The following SART3 variants were observed in gnomAD, a reference collection of about 807,000 sequenced individuals.
SART3 encodes the protein spliceosome associated factor 3, U4/U6 recycling protein, also known as HIV-1 Tat-interacting protein of 110kDa.
SART3 carries 44 observed loss-of-function variants against 122.3 expected under a neutral mutation model. The ratio of observed to expected loss-of-function variants is 0.36; its 90% CI spans 0.28 to 0.46. The LOEUF is 0.46. Among genes scored for constraint, SART3 ranks in the 20% least tolerant of loss-of-function variants. The pLI is 1.00. For synonymous variants in SART3, 442 were observed against 454.0 expected, an observed-to-expected ratio of 0.97 and a Z score of 0.34; for missense variants, 1,101 against 1,229.0, an observed-to-expected ratio of 0.90 and a Z score of 1.56.
At chr12:108,547,051 C>T (rs1265786956) in intron 3 of SART3, among the ~76,000 whole-genome samples, 1 of 152,066 alleles carries the variant, frequency 6.6e-6, no homozygotes, top group Non-Finnish European at 1.5e-5. Flanking sequence ...AACTCCCGAC[C>T]TCAAGTGATC....
intron 3 of SART3, among the ~76,000 whole-genome samples, chr12:108,547,597 T>A (rs1221721646): frequency 6.6e-6 from 1 of 152,210 alleles, no homozygotes; most frequent in Admixed American, 6.5e-5. Context: ...AAAAACCTAT[T>A]GAATGTATAA....
chr12:108,529,301 A>G (rs73402752), intron 15 of SART3, among the ~76,000 whole-genome samples: 3,777 of 152,242 alleles, frequency 0.025, 151 homozygotes, highest in African/African-American at 0.086. Context: ...GCACACGCAC[A>G]CGCACACACA....
At position 108,523,146 on chromosome 12, in the gene SART3, G is replaced by T; in HGVS notation, c.*311C>A. On this transcript the variant is annotated 3_prime_UTR_variant, in exon 19 of 19. Coordinates refer to ENST00000546815, the MANE Select transcript of SART3 (RefSeq NM_014706.4). ...GCTGGCCAGAAACATTTGGACAACT[G>T]TGTCTCAAAAACAGTGTGTTCTCGT... 2.2e-6 allele frequency: 1 copy of T among 463,198 alleles called. No individual in the cohort carries two copies. The highest frequency in any genetic ancestry group is 4.0e-6 in the Non-Finnish European group (1 of 253,150). 28.7% of individuals were successfully genotyped at this position (463,198 alleles called of 1,614,324 possible). A position where few individuals can be genotyped will look rare whatever the true frequency, so the allele number is the denominator to read the frequency against.
chr12:108,529,151 A>G (rs1872532126), intron 15 of SART3, among the ~76,000 whole-genome samples: 1 of 152,254 alleles, frequency 6.6e-6, no homozygotes, highest in Non-Finnish European at 1.5e-5. Flanking sequence ...AAATTTTAAA[A>G]AGAGAGAGAA....
intron 1 of SART3, among the ~76,000 whole-genome samples, chr12:108,559,135 A>G (rs2030361692): frequency 1.3e-5 from 2 of 152,160 alleles, no homozygotes; most frequent in South Asian, 2.1e-4. Flanking sequence ...GACAAGCTAT[A>G]CCAATGGATG....
intron 1 of SART3, among the ~76,000 whole-genome samples, chr12:108,550,194 T>A (rs1218017795): frequency 6.6e-6 from 1 of 151,882 alleles, no homozygotes; most frequent in Non-Finnish European, 1.5e-5. Context: ...ATGAAAAAAA[T>A]GTCACTAGCA....
intron 1 of SART3, among the ~76,000 whole-genome samples, chr12:108,558,787 A>C (rs905084852): frequency 3.3e-5 from 5 of 152,174 alleles, no homozygotes; most frequent in Middle Eastern, 3.2e-3. Context: ...TAATCCCAGC[A>C]CTTTGGGAGG....
intron 11 of SART3, chr12:108,535,683 C>G (rs1872873406): frequency 3.5e-6 from 2 of 578,410 alleles, no homozygotes; most frequent in Admixed American, 4.8e-5. Flanking sequence ...CCTATGTTTC[C>G]TGAGAACCGA....
At chr12:108,549,288 C>T in intron 1 of SART3, 74 bp from the exon 2 acceptor site, 1 of 1,487,982 alleles carries the variant, frequency 6.7e-7, no homozygotes, top group Non-Finnish European at 9.3e-7. Flanking sequence ...CTACTGGTAA[C>T]TACACATATA....
chr12:108,530,638 C>T (rs1185527627), intron 14 of SART3, among the ~76,000 whole-genome samples: 1 of 152,068 alleles, frequency 6.6e-6, no homozygotes, highest in Non-Finnish European at 1.5e-5. Context: ...GGGTGGATCA[C>T]GAGGTCAGGA....
Position 108,561,170 on chromosome 12 carries a change from ACT to A in SART3, c.-18_-17del, listed in dbSNP as rs908364165. 2 of 1,602,776 alleles carry A rather than the reference ACT, an allele frequency of 1.2e-6. No homozygotes were observed. Among genetic ancestry groups the A allele is most frequent in the African/African-American group, 2.7e-5 (2 of 74,272 alleles). On this transcript the variant is annotated 5_prime_UTR_variant, in exon 1 of 19. Transcript: ENST00000546815. ...CAGTCGCCATCTTGCGCTTCTAATG[ACT>A]CTCGGGTCTTCCCGCGGCCGCCGAA...
chr12:108,559,664 CAAAA>C (rs35159668), intron 1 of SART3, among the ~76,000 whole-genome samples: 15 of 79,736 alleles, frequency 1.9e-4, no homozygotes, highest in African/African-American at 2.9e-4. Context: ...GACTCTGTCT[CAAAA>C]AAAAAAAAAA....
chr12:108,552,266 T>C (rs1433189886), intron 1 of SART3, among the ~76,000 whole-genome samples: 3 of 152,132 alleles, frequency 2.0e-5, no homozygotes, highest in Non-Finnish European at 4.4e-5. Context: ...ACATCATTCC[T>C]AATGGTAAAA....
chr12:108,559,182 G>A (rs939071159), intron 1 of SART3, among the ~76,000 whole-genome samples: 1 of 152,032 alleles, frequency 6.6e-6, no homozygotes, highest in African/African-American at 2.4e-5. Context: ...CAGTGCCAGA[G>A]AGAGTATTAT....
rs182559483 is a variant in SART3 at position 108,523,870 on chromosome 12, G to A, written c.2715-236C>T. 1.9e-3 allele frequency: 1,163 copies of A among 604,500 alleles called. 3 individuals carry two copies. Among genetic ancestry groups the A allele is most frequent in the Non-Finnish European group, 1.8e-3 (626 of 342,926 alleles). 37.4% of individuals were successfully genotyped at this position (604,500 alleles called of 1,614,324 possible). On this transcript the variant is annotated intron_variant, in intron 18 of 18. Coordinates refer to ENST00000546815, the MANE Select transcript of SART3 (RefSeq NM_014706.4). ...CCCTGAGCACCAGTCACACTCAGAG[G>A]GGATCAGTGTGACTATCACCTCTCA...
intron 15 of SART3, among the ~76,000 whole-genome samples, chr12:108,529,877 G>C (rs1284856935): frequency 6.6e-6 from 1 of 152,044 alleles, no homozygotes; most frequent in East Asian, 1.9e-4. Flanking sequence ...ACACAATAGT[G>C]CATCCTGAAC....
In SART3 at chr12:108,535,440, G is replaced by A. The variant is rs1872862312; in HGVS notation, c.1475C>T (p.Ala492Val). ...EARLCNNMQK[A>V]RELWDSIMTR... The stretch of plus-strand genomic sequence containing the variant: ...CATGATGCTATCCCAGAGTTCCCGA[G>A]CTTTCTGCATGTTATTGCACAGTCG... The change falls in exon 12 of 19, where the codon GCT becomes GTT. Residue 492 changes from alanine (A) to valine (V), a missense_variant. Ala to Val is a moderately conservative substitution (Grantham distance 64). Transcript: ENST00000546815. 1 of 1,613,966 alleles carries A rather than the reference G, an allele frequency of 6.2e-7. No homozygotes were observed. Among genetic ancestry groups the A allele is most frequent in the African/African-American group, 1.3e-5 (1 of 74,894 alleles).
chr12:108,532,729 T>G, intron 12 of SART3: 1 of 223,794 alleles, frequency 4.5e-6, no homozygotes, highest in South Asian at 5.9e-5. Context: ...TCCAGGGTAG[T>G]GTCAAATTTC....
At chr12:108,551,273 G>A (rs1012937316) in intron 1 of SART3, among the ~76,000 whole-genome samples, 7 of 152,116 alleles carry the variant, frequency 4.6e-5, no homozygotes, top group African/African-American at 1.4e-4. Context: ...ATAATAAATA[G>A]ATCAATCTAC....
Sources: gnomAD v4.1 joint callset for allele counts (sites outside exome capture counted in the v4.1 genomes callset) on GRCh38, gnomAD v4.1.1 for gene constraint, MANE v1.5 for transcripts, NCBI Gene and HGNC (gene_info 2026-07-23, HGNC 2026-07-21) for gene names.